Variants in CEP19 observed in about 807,000 individuals in gnomAD.
CEP19 encodes the protein centrosomal protein 19, also known as centrosomal protein of 19 kDa.
CEP19 carries 14 observed loss-of-function variants against 17.5 expected under a neutral mutation model. The observed-to-expected ratio is 0.80, with a 90% CI of 0.53 to 1.25. The LOEUF is 1.25. CEP19 is among the 50% of genes most tolerant of loss of function. The pLI is 0.00. For missense variants in CEP19, 193 were observed against 192.0 expected (o/e 1.01, Z -0.03); for synonymous variants, 59 against 65.5 (o/e 0.90, Z 0.48).
At position 196,708,713 on chromosome 3, in the gene CEP19, C is replaced by A; in HGVS notation, c.-56G>T. 1 of 1,572,460 alleles carries A rather than the reference C, an allele frequency of 6.4e-7. No individual in the cohort carries two copies. The highest frequency in any genetic ancestry group is 8.7e-7 in the Non-Finnish European group (1 of 1,149,436). On this transcript the variant is annotated 5_prime_UTR_variant, in exon 2 of 3. An upstream start codon of the reference 5' UTR is lost. Coordinates refer to ENST00000409690, the MANE Select transcript of CEP19 (RefSeq NM_032898.5). Reference sequence around the variant, plus strand: ...AAATCTGATGAATATGTGTAAGTTGCATAATGACTTCCTGCTAAAGGGAAA... The same window carrying A: ...AAATCTGATGAATATGTGTAAGTTGAATAATGACTTCCTGCTAAAGGGAAA...
intron 1 of CEP19, among the ~76,000 whole-genome samples, chr3:196,709,436 A>G (rs1711664352): frequency 6.6e-6 from 1 of 152,186 alleles, no homozygotes; most frequent in South Asian, 2.1e-4. Context: ...TCTCAGCATA[A>G]TACCTGGAAC....
rs200632565 is a variant in CEP19, at chr3:196,711,407, C to T, written c.-71+522G>A. On this transcript the variant is annotated intron_variant, in intron 1 of 2. Coordinates refer to ENST00000409690, the MANE Select transcript of CEP19 (RefSeq NM_032898.5). ...GTGGCGTGATCTCCCCTCGCTGCAA[C>T]CTCCGCCTCCTGGGTTCAAGCGATT... Among the ~76,000 whole-genome samples the T allele has an allele frequency of 1.3e-4, 20 of 152,148 alleles. No individual in the cohort carries two copies. The East Asian group carries it at 3.9e-3, about 29-fold the overall frequency.
intron 2 of CEP19, among the ~76,000 whole-genome samples, 189 bp downstream of exon 2, chr3:196,708,339 T>A (rs1711601155): frequency 6.6e-6 from 1 of 152,030 alleles, no homozygotes; most frequent in Admixed American, 6.6e-5. Flanking sequence ...TAGGCAGCAA[T>A]CCCAAAAGGA....
intron 2 of CEP19, 134 bp downstream of exon 2, chr3:196,708,394 T>C (rs539703636): frequency 3.8e-6 from 3 of 792,214 alleles, no homozygotes; most frequent in East Asian, 2.5e-5. Context: ...TTCCCTTTTA[T>C]AGATTAGGAA....
Position 196,706,671 on chromosome 3 carries a change from G to A in CEP19, c.*880C>T, listed in dbSNP as rs1248132201. On this transcript the variant is annotated 3_prime_UTR_variant, in exon 3 of 3. Coordinates refer to ENST00000409690, the MANE Select transcript of CEP19 (RefSeq NM_032898.5). ...AATATAAAGATATAACACATAAGAGGTAATTCCCTGGTAACCATATATGTC... is the reference window on the plus strand; with the variant it reads ...AATATAAAGATATAACACATAAGAGATAATTCCCTGGTAACCATATATGTC... The A allele has an allele frequency of 6.6e-6, 1 of 152,102 alleles. No individual in the cohort carries two copies. The highest frequency in any genetic ancestry group is 1.5e-5 in the Non-Finnish European group (1 of 68,026). The allele number at this position is 152,102 out of a possible 1,614,324, so 9.4% of individuals were successfully genotyped here. A position where few individuals can be genotyped will look rare whatever the true frequency, so the allele number is the denominator to read the frequency against.
intron 1 of CEP19, among the ~76,000 whole-genome samples, chr3:196,711,523 G>A (rs1054330391): frequency 6.6e-6 from 1 of 152,050 alleles, no homozygotes; most frequent in Non-Finnish European, 1.5e-5. Context: ...ACGGGGTTTC[G>A]CCATCTTGGC....
At position 196,707,745 on chromosome 3, in the gene CEP19, C is replaced by T; in HGVS notation, c.298G>A (p.Asp100Asn). Reference sequence around the variant, plus strand: ...AGTTTGTTCAGGTCTTCCTCAGGATCAATGGTTGTTTCCCGTTGAATTTGT... The same window carrying T: ...AGTTTGTTCAGGTCTTCCTCAGGATTAATGGTTGTTTCCCGTTGAATTTGT... ...MEQIQRETTI[D>N]PEEDLNKLDD... Residue 100 changes from aspartate (D) to asparagine (N), a missense_variant, in exon 3 of 3, where the codon GAT (aspartate) becomes AAT (asparagine). Transcript: ENST00000409690. The T allele has an allele frequency of 6.2e-7, 1 of 1,614,164 alleles. No individual in the cohort carries two copies. The highest frequency in any genetic ancestry group is 8.5e-7 in the Non-Finnish European group (1 of 1,180,030).
At chr3:196,709,230 A>C (rs1458152022) in intron 1 of CEP19, among the ~76,000 whole-genome samples, 1 of 152,214 alleles carries the variant, frequency 6.6e-6, no homozygotes, top group African/African-American at 2.4e-5. Flanking sequence ...CCTCGGTATC[A>C]AGGTACTATG....
rs115752294 is a variant in CEP19 at position 196,708,952 on chromosome 3, C to T, written c.-70-225G>A. 418 of 283,278 alleles carry T rather than the reference C, an allele frequency of 1.5e-3. 1 individual carries two copies. The highest frequency in any genetic ancestry group is 8.6e-3 in the African/African-American group (394 of 45,814). The allele number at this position is 283,278 out of a possible 1,614,324, so 17.5% of individuals were successfully genotyped here. ...TCATTCCAATTGTGGGGTATGTGCG[C>T]GGGAACGACCACAAAGCTCAGTTAT... On this transcript the variant is annotated intron_variant, in intron 1 of 2. Coordinates refer to ENST00000409690, the MANE Select transcript of CEP19 (RefSeq NM_032898.5).
intron 1 of CEP19, among the ~76,000 whole-genome samples, chr3:196,710,954 C>CTT (rs760516872): frequency 5.0e-4 from 55 of 110,398 alleles, no homozygotes; most frequent in African/African-American, 1.8e-3. Flanking sequence ...TCTTTTCTTG[C>CTT]TTTTTTTTTT....
At position 196,712,152 on chromosome 3, in the gene CEP19, G is replaced by A. The variant is rs1253720889; in HGVS notation, c.-294C>T. 1 of 574,834 alleles carries A rather than the reference G, an allele frequency of 1.7e-6. No individual in the cohort carries two copies. Among genetic ancestry groups the A allele is most frequent in the African/African-American group, 1.9e-5 (1 of 53,474 alleles). The allele number at this position is 574,834 out of a possible 1,614,324, so 35.6% of individuals were successfully genotyped here. ...AACCCTCAAACACCGGGAAGCGGAG[G>A]TGGGGGCCGGCTGGGGGACCGGTCC... On this transcript the variant is annotated 5_prime_UTR_variant, in exon 1 of 3. Transcript: ENST00000409690.
Position 196,707,227 on chromosome 3 carries a change from C to T in CEP19, c.*324G>A, listed in dbSNP as rs945364004. 1.9e-5 allele frequency: 4 copies of T among 205,590 alleles called. No homozygotes were observed. Among genetic ancestry groups the T allele is most frequent in the African/African-American group, 7.0e-5 (3 of 43,002 alleles). 12.7% of individuals were successfully genotyped at this position (205,590 alleles called of 1,614,324 possible). ...TGTATTTTTAGTAGAGGCGAGGTTT[C>T]ACCATGTTGGCTAGGCTGGTCTCGA... On this transcript the variant is annotated 3_prime_UTR_variant, in exon 3 of 3. Transcript: ENST00000409690.
rs1410160138 is a variant in CEP19 at position 196,712,215 on chromosome 3, C to T, written c.-357G>A. ...CTCGGCGTACAGGGATTCCAGGTCC[C>T]GGCGAGCGCTGGCCTAGCGGTTTCC... On this transcript the variant is annotated 5_prime_UTR_variant, in exon 1 of 3. Transcript: ENST00000409690. The T allele has an allele frequency of 1.7e-5, 9 of 535,542 alleles. No homozygotes were observed. In the Admixed American group the frequency reaches 2.2e-4, roughly 13 times the overall value. 33.2% of individuals were successfully genotyped at this position (535,542 alleles called of 1,614,324 possible).
chr3:196,708,497 A>T (rs1227082226), intron 2 of CEP19, 31 bp downstream of exon 2: 9 of 1,608,042 alleles, frequency 5.6e-6, no homozygotes, highest in Non-Finnish European at 7.7e-6. Context: ...GAGAATATTT[A>T]AGACAGGAGG....
intron 1 of CEP19, among the ~76,000 whole-genome samples, chr3:196,711,108 G>GT (rs10669996): frequency 1.6e-3 from 240 of 148,346 alleles, no homozygotes; most frequent in East Asian, 2.5e-3. Flanking sequence ...AAATAATGTA[G>GT]TTTTTTTTTT....
At position 196,712,100 on chromosome 3, in the gene CEP19, G is replaced by C; in HGVS notation, c.-242C>G. ...GCCACAGCCCTACTGACGAGCCCGAGGGGTGAACTCCCCGGCGGGAGGCCC... is the reference window on the plus strand; with the variant it reads ...GCCACAGCCCTACTGACGAGCCCGACGGGTGAACTCCCCGGCGGGAGGCCC... On this transcript the variant is annotated 5_prime_UTR_variant, in exon 1 of 3. Coordinates refer to ENST00000409690, the MANE Select transcript of CEP19 (RefSeq NM_032898.5). The C allele has an allele frequency of 1.6e-6, 1 of 643,846 alleles. No homozygotes were observed. Among genetic ancestry groups the C allele is most frequent in the South Asian group, 1.7e-5 (1 of 58,104 alleles). The allele number at this position is 643,846 out of a possible 1,614,324, so 39.9% of individuals were successfully genotyped here.
At position 196,706,628 on chromosome 3, in the gene CEP19, T is replaced by G. The variant is rs1241567943; in HGVS notation, c.*923A>C. 6.6e-6 allele frequency: 1 copy of G among 152,202 alleles called. No homozygotes were observed. Among genetic ancestry groups the G allele is most frequent in the Non-Finnish European group, 1.5e-5 (1 of 68,036 alleles). 9.4% of individuals were successfully genotyped at this position (152,202 alleles called of 1,614,324 possible). On this transcript the variant is annotated 3_prime_UTR_variant, in exon 3 of 3. Coordinates refer to ENST00000409690, the MANE Select transcript of CEP19 (RefSeq NM_032898.5). Reference sequence around the variant, plus strand: ...AGCTGTAGGGAATTTTGCAGGGTACTCTTTTCCAGAGATAAATAATATAAA... The same window carrying G: ...AGCTGTAGGGAATTTTGCAGGGTACGCTTTTCCAGAGATAAATAATATAAA...
intron 1 of CEP19, among the ~76,000 whole-genome samples, chr3:196,711,665 C>G (rs1711788708): frequency 6.6e-6 from 1 of 152,180 alleles, no homozygotes; most frequent in South Asian, 2.1e-4. Context: ...CTCTTTGAGA[C>G]ACCCGCTCTA....
rs544829492 is a variant in CEP19, at chr3:196,712,116, C to A, written c.-258G>T. On this transcript the variant is annotated 5_prime_UTR_variant, in exon 1 of 3. Transcript: ENST00000409690. ...CGAGCCCGAGGGGTGAACTCCCCGG[C>A]GGGAGGCCCGAACCCTCAAACACCG... 2.1e-5 allele frequency: 13 copies of A among 617,270 alleles called. 1 individual carries two copies. In the South Asian group the frequency reaches 2.2e-4, roughly 11 times the overall value. The allele number at this position is 617,270 out of a possible 1,614,324, so 38.2% of individuals were successfully genotyped here.
Sources: gnomAD v4.1 joint callset for allele counts (sites outside exome capture counted in the v4.1 genomes callset) on GRCh38, gnomAD v4.1.1 for gene constraint, MANE v1.5 for transcripts, NCBI Gene and HGNC (gene_info 2026-07-23, HGNC 2026-07-21) for gene names.